The following ZNF804B variants were observed in gnomAD, a reference collection of about 807,000 sequenced individuals.
The protein encoded by ZNF804B is zinc finger protein 804B.
A neutral mutation model predicts 101.4 loss-of-function variants in ZNF804B; 80 were observed. The ratio of observed to expected loss-of-function variants is 0.79; its 90% confidence interval spans 0.66 to 0.95. The LOEUF (loss-of-function observed/expected upper bound fraction) is 0.95, where lower values mean the gene tolerates loss of function less well. Among genes scored for constraint, ZNF804B ranks in the 40% least tolerant of loss-of-function variants. The pLI, the probability that ZNF804B is intolerant of heterozygous loss-of-function variation, is 0.00. For synonymous variants in ZNF804B, 622 were observed against 558.8 expected, an observed-to-expected ratio of 1.11 and a Z score of -1.59; for missense variants, 1,673 against 1,561.9, an observed-to-expected ratio of 1.07 and a Z score of -1.20.
In ZNF804B at chr7:89,232,098, A is replaced by T. The variant is rs542103583; in HGVS notation, c.249+13803A>T. Among the ~76,000 whole-genome samples the T allele has an allele frequency of 9.1e-4, 139 of 152,116 alleles. 1 individual carries two copies. The highest frequency in any genetic ancestry group is 1.6e-3 in the Non-Finnish European group (110 of 67,924). ...GAATGAAAGCATTTTTTTTACTCCTAGTTTATTGAGAGGGTGTTTTATTTA... is the reference window on the plus strand; with the variant it reads ...GAATGAAAGCATTTTTTTTACTCCTTGTTTATTGAGAGGGTGTTTTATTTA... On this transcript the variant is annotated intron_variant, in intron 2 of 3. Coordinates refer to ENST00000333190, the MANE Select transcript of ZNF804B (RefSeq NM_181646.5).
chr7:88,837,740 T>G (rs1791235668), intron 1 of ZNF804B, among the ~76,000 whole-genome samples: 1 of 151,880 alleles, frequency 6.6e-6, no homozygotes, highest in South Asian at 2.1e-4. Context: ...TGCGTATCTA[T>G]GTGAGACTGA....
intron 1 of ZNF804B, among the ~76,000 whole-genome samples, chr7:89,140,074 G>C (rs1350304541): frequency 6.6e-6 from 1 of 151,950 alleles, no homozygotes; most frequent in Non-Finnish European, 1.5e-5. Flanking sequence ...GGCATCAAAT[G>C]GCATTAATCT....
At position 89,219,520 on chromosome 7, in the gene ZNF804B, C is replaced by A. The variant is rs574054533; in HGVS notation, c.249+1225C>A. 3.1e-4 allele frequency among the ~76,000 whole-genome samples: 47 copies of A among 151,718 alleles called. 2 individuals carry two copies. Among genetic ancestry groups the A allele is most frequent in the African/African-American group, 1.1e-3 (46 of 41,168 alleles). The stretch of plus-strand genomic sequence containing the variant: ...AGTGTGGATATACTACATATGGCTG[C>A]CTAAATTACCTACTCTCCAAATGTG... On this transcript the variant is annotated intron_variant, in intron 2 of 3. Transcript: ENST00000333190.
At chr7:89,012,647 A>G (rs1034640868) in intron 1 of ZNF804B, among the ~76,000 whole-genome samples, 1 of 152,072 alleles carries the variant, frequency 6.6e-6, no homozygotes, top group Non-Finnish European at 1.5e-5. Flanking sequence ...TGTCCATATC[A>G]CTATCAGCGT....
chr7:88,934,279 A>G (rs1792934214), intron 1 of ZNF804B, among the ~76,000 whole-genome samples: 1 of 151,892 alleles, frequency 6.6e-6, no homozygotes, highest in Non-Finnish European at 1.5e-5. Flanking sequence ...TGGATCAAAG[A>G]CCTGAAGTCA....
At chr7:89,315,741 AACAC>A (rs762492754) in intron 2 of ZNF804B, among the ~76,000 whole-genome samples, 8 of 150,608 alleles carry the variant, frequency 5.3e-5, no homozygotes, top group South Asian at 2.1e-4. Flanking sequence ...CACACACACA[AACAC>A]ACACACACAC....
At chr7:89,271,468 C>T (rs1378939212) in intron 2 of ZNF804B, among the ~76,000 whole-genome samples, 1 of 152,134 alleles carries the variant, frequency 6.6e-6, no homozygotes, top group African/African-American at 2.4e-5. Flanking sequence ...ATTCAGTTTG[C>T]CAGTATTTTA....
In ZNF804B at chr7:88,874,435, C is replaced by T. The variant is rs1264478694; in HGVS notation, c.108+114351C>T. On this transcript the variant is annotated intron_variant, in intron 1 of 3. Transcript: ENST00000333190. The stretch of plus-strand genomic sequence containing the variant: ...CTGCAAACAGGGACAATTTGACTTC[C>T]TCTTTTCCTAATTGAATACCCTTTG... 3.9e-5 allele frequency among the ~76,000 whole-genome samples: 6 copies of T among 152,020 alleles called. No individual in the cohort carries two copies. In the East Asian group the frequency reaches 1.2e-3, roughly 29 times the overall value.
In ZNF804B at chr7:89,333,598, A is replaced by C; in HGVS notation, c.616A>C (p.Thr206Pro). The change falls in exon 4 of 4, where the codon ACA becomes CCA. Residue 206 changes from threonine (T) to proline (P), a missense_variant. Transcript: ENST00000333190. ...RCLFGNQVLQ[T>P]SSDLSNANHR... ...TTTGTTTGGAAATCAGGTACTGCAA[A>C]CATCTTCAGATCTCAGCAATGCAAA... 6.2e-7 allele frequency: 1 copy of C among 1,613,662 alleles called. No homozygotes were observed. The highest frequency in any genetic ancestry group is 8.5e-7 in the Non-Finnish European group (1 of 1,179,744).
intron 1 of ZNF804B, among the ~76,000 whole-genome samples, chr7:88,776,555 G>GTTTTTTTTTT (rs10630362): frequency 9.4e-6 from 1 of 106,456 alleles, no homozygotes; most frequent in African/African-American, 3.3e-5. Context: ...TTCTCGTGGT[G>GTTTTTTTTTT]TTTTGTTTTT....
At chr7:89,086,419 T>C (rs1373576515) in intron 1 of ZNF804B, among the ~76,000 whole-genome samples, 2 of 152,008 alleles carry the variant, frequency 1.3e-5, no homozygotes, top group Non-Finnish European at 2.9e-5. Context: ...ATCTCACTCC[T>C]CTATAGCTAG....
chr7:89,120,650 T>A (rs1239409704), intron 1 of ZNF804B, among the ~76,000 whole-genome samples: 49 of 70,674 alleles, frequency 6.9e-4, no homozygotes, highest in African/African-American at 4.4e-3. Flanking sequence ...AGAGCGAGAC[T>A]CCGCCTCAAA....
chr7:88,775,027 T>C (rs190827976), intron 1 of ZNF804B, among the ~76,000 whole-genome samples: 19 of 152,260 alleles, frequency 1.2e-4, no homozygotes, highest in African/African-American at 4.1e-4. Context: ...GTACCGGTGA[T>C]AGTGAAGTCA....
chr7:89,293,122 T>A (rs948638267), intron 2 of ZNF804B, among the ~76,000 whole-genome samples: 2 of 152,172 alleles, frequency 1.3e-5, no homozygotes, highest in African/African-American at 4.8e-5. Flanking sequence ...TGTTTTAATT[T>A]TTTTTAATGA....
intron 1 of ZNF804B, among the ~76,000 whole-genome samples, chr7:88,959,824 G>A (rs994061998): frequency 2.0e-5 from 3 of 151,384 alleles, no homozygotes; most frequent in Admixed American, 6.6e-5. Flanking sequence ...TAGCTACCAC[G>A]CAAAAATTCA....
At chr7:88,890,944 T>A (rs1792205384) in intron 1 of ZNF804B, among the ~76,000 whole-genome samples, 1 of 152,172 alleles carries the variant, frequency 6.6e-6, no homozygotes, top group Non-Finnish European at 1.5e-5. Flanking sequence ...CTTGTTTAAC[T>A]TTTTTCAGTT....
chr7:88,770,087 T>C (rs1465565639), intron 1 of ZNF804B, among the ~76,000 whole-genome samples: 1 of 152,166 alleles, frequency 6.6e-6, no homozygotes, highest in Non-Finnish European at 1.5e-5. Context: ...AATATAAACA[T>C]TGGAAAGACC....
chr7:88,799,216 G>T (rs1790541021), intron 1 of ZNF804B, among the ~76,000 whole-genome samples: 1 of 151,932 alleles, frequency 6.6e-6, no homozygotes, highest in African/African-American at 2.4e-5. Flanking sequence ...TTGTAAGCCA[G>T]ACAGAAAGGA....
intron 1 of ZNF804B, among the ~76,000 whole-genome samples, chr7:89,018,962 A>C (rs1479006630): frequency 6.6e-6 from 1 of 151,666 alleles, no homozygotes; most frequent in Non-Finnish European, 1.5e-5. Context: ...GATCTTTTCT[A>C]TTTTGTTAGT....
Sources: allele counts gnomAD v4.1 joint callset (sites outside exome capture counted in the v4.1 genomes callset), GRCh38; gene constraint gnomAD v4.1.1; transcripts MANE v1.5; gene names NCBI Gene and HGNC (gene_info 2026-07-23, HGNC 2026-07-21).